Variants in SYN3 observed in about 807,000 individuals in gnomAD.
SYN3 encodes synapsin-3.
Under a neutral mutation model 65.8 loss-of-function variants are expected in SYN3, and 35 were observed. That is an observed-to-expected ratio of 0.53 (90% CI 0.41 to 0.70). The LOEUF (loss-of-function observed/expected upper bound fraction) is 0.70. Among genes scored for constraint, SYN3 ranks in the 30% least tolerant of loss-of-function variants. The pLI is 0.00. For missense variants in SYN3, 680 were observed against 749.0 expected (o/e 0.91, Z 1.08); for synonymous variants, 270 against 292.9 (o/e 0.92, Z 0.80).
chr22:32,872,089 A>C (rs1387097761), intron 4 of SYN3, among the ~76,000 whole-genome samples: 1 of 152,044 alleles, frequency 6.6e-6, no homozygotes, highest in East Asian at 1.9e-4. Flanking sequence ...AATTTGCCCC[A>C]ACCCTCGTTT....
At chr22:32,670,494 A>G (rs1214896172) in intron 6 of SYN3, among the ~76,000 whole-genome samples, 2 of 152,210 alleles carry the variant, frequency 1.3e-5, no homozygotes, top group Admixed American at 1.3e-4. Flanking sequence ...GTCTCTGAAA[A>G]GCTGGAAAGA....
chr22:32,745,195 C>T (rs1449396524), intron 6 of SYN3, among the ~76,000 whole-genome samples: 1 of 152,200 alleles, frequency 6.6e-6, no homozygotes, highest in Non-Finnish European at 1.5e-5. Context: ...GCGCTCCCAG[C>T]ACCCAGCTTC....
chr22:32,861,335 T>C lies in SYN3; in HGVS notation c.711+3580A>G, dbSNP rs1427384. On this transcript the variant is annotated intron_variant, in intron 6 of 13. Coordinates refer to ENST00000358763, the MANE Select transcript of SYN3 (RefSeq NM_003490.4). ...CCGTGTACCTTTCCCATTGTGGTCA[T>C]GCCATTTGGCAGGGGGAGAATGGGA... is the stretch of plus-strand genomic sequence containing the variant. 44,145 of 152,240 alleles carry C rather than the reference T, an allele frequency of 0.29. 6,722 individuals carry two copies. Among genetic ancestry groups the C allele is most frequent in the African/African-American group, 0.37 (15,354 of 41,508 alleles). The allele number at this position is 152,240 out of a possible 1,614,324, so 9.4% of individuals were successfully genotyped here.
chr22:32,688,443 G>A (rs1424501925), intron 6 of SYN3, among the ~76,000 whole-genome samples: 1 of 152,078 alleles, frequency 6.6e-6, no homozygotes, highest in Non-Finnish European at 1.5e-5. Context: ...AATATCTGGG[G>A]GAAAGAGAAA....
At chr22:32,762,961 A>G (rs2045526074) in intron 6 of SYN3, among the ~76,000 whole-genome samples, 1 of 152,262 alleles carries the variant, frequency 6.6e-6, no homozygotes, top group Non-Finnish European at 1.5e-5. Context: ...TATTAATCAC[A>G]TAGTCCTCAA....
chr22:32,639,145 G>A (rs1016571133), intron 6 of SYN3, among the ~76,000 whole-genome samples: 2 of 152,104 alleles, frequency 1.3e-5, no homozygotes, highest in Non-Finnish European at 2.9e-5. Context: ...AGTAGAGACG[G>A]GGTTTCACCG....
chr22:32,605,785 C>G (rs184177952), intron 6 of SYN3, among the ~76,000 whole-genome samples: 3 of 152,346 alleles, frequency 2.0e-5, no homozygotes, highest in African/African-American at 7.2e-5. Context: ...TAGGACAAGA[C>G]TGGCTGCAGT....
intron 1 of SYN3, among the ~76,000 whole-genome samples, chr22:33,043,685 A>G (rs1367060122): frequency 1.3e-5 from 2 of 152,214 alleles, no homozygotes; most frequent in Admixed American, 1.3e-4. Context: ...TTGTTTGCTC[A>G]TCGTAAAACA....
intron 4 of SYN3, among the ~76,000 whole-genome samples, chr22:32,918,983 T>A (rs1277833031): frequency 6.6e-6 from 1 of 152,224 alleles, no homozygotes; most frequent in Non-Finnish European, 1.5e-5. Context: ...CCTGGGCTAG[T>A]CCTAGATGCT....
At chr22:32,764,935 C>T (rs912197543) in intron 6 of SYN3, among the ~76,000 whole-genome samples, 9 of 152,078 alleles carry the variant, frequency 5.9e-5, no homozygotes, top group African/African-American at 2.2e-4. Context: ...ATGACTGAGC[C>T]GATTGACATC....
At chr22:32,579,272 C>T (rs755461613) in intron 7 of SYN3, among the ~76,000 whole-genome samples, 7 of 152,214 alleles carry the variant, frequency 4.6e-5, no homozygotes, top group Non-Finnish European at 8.8e-5. Flanking sequence ...ATGTCTTAGT[C>T]TGTCTGGGCT....
chr22:32,672,829 C>A (rs1048448156), intron 6 of SYN3, among the ~76,000 whole-genome samples: 4 of 152,188 alleles, frequency 2.6e-5, no homozygotes, highest in Non-Finnish European at 5.9e-5. Context: ...ACCCAGGCCC[C>A]TCCCTGGGAA....
At chr22:32,556,471 G>C (rs1041553636) in intron 7 of SYN3, among the ~76,000 whole-genome samples, 1 of 152,080 alleles carries the variant, frequency 6.6e-6, no homozygotes, top group African/African-American at 2.4e-5. Flanking sequence ...AAACTACTTC[G>C]GCCATTAATT....
intron 3 of SYN3, among the ~76,000 whole-genome samples, chr22:32,974,757 T>C (rs888968200): frequency 3.3e-5 from 5 of 152,032 alleles, no homozygotes; most frequent in Non-Finnish European, 5.9e-5. Flanking sequence ...TTTAGGGGAG[T>C]AGCAATCTCA....
At chr22:32,876,914 G>T (rs1278468354) in intron 4 of SYN3, among the ~76,000 whole-genome samples, 2 of 152,112 alleles carry the variant, frequency 1.3e-5, no homozygotes, top group African/African-American at 4.8e-5. Flanking sequence ...ACTTTCGGTT[G>T]GTACACATGC....
intron 2 of SYN3, among the ~76,000 whole-genome samples, chr22:32,985,157 C>G (rs2052486755): frequency 6.6e-6 from 1 of 152,210 alleles, no homozygotes; most frequent in Admixed American, 6.5e-5. Flanking sequence ...AGCCACCTCA[C>G]AGGGTTGTTA....
intron 2 of SYN3, among the ~76,000 whole-genome samples, chr22:32,984,161 C>CAAAAAAAAAAAAA (rs35678412): frequency 1.1e-5 from 1 of 93,008 alleles, no homozygotes; most frequent in African/African-American, 4.2e-5. Context: ...AAACTCCATC[C>CAAAAAAAAAAAAA]AAAAAAAAAA....
At chr22:32,898,686 G>C (rs966857534) in intron 4 of SYN3, among the ~76,000 whole-genome samples, 5 of 152,220 alleles carry the variant, frequency 3.3e-5, no homozygotes, top group African/African-American at 1.2e-4. Flanking sequence ...GTGTGTGCAT[G>C]TCTTGGGGAG....
At chr22:32,704,613 T>G (rs977004864) in intron 6 of SYN3, among the ~76,000 whole-genome samples, 1 of 152,336 alleles carries the variant, frequency 6.6e-6, no homozygotes, top group African/African-American at 2.4e-5. Context: ...AAATAATAGT[T>G]CTGGTTTTAG....
Sources: allele counts gnomAD v4.1 joint callset (sites outside exome capture counted in the v4.1 genomes callset), GRCh38; gene constraint gnomAD v4.1.1; transcripts MANE v1.5; gene names NCBI Gene and HGNC (gene_info 2026-07-23, HGNC 2026-07-21).